Variants in PPM1L observed in about 807,000 individuals in gnomAD.
PPM1L encodes the protein protein phosphatase 1L.
A neutral mutation model predicts 31.4 loss-of-function variants in PPM1L; 13 were observed. The observed-to-expected ratio is 0.41, with a 90% CI of 0.27 to 0.66. The LOEUF is 0.66. Ranked by LOEUF, PPM1L falls within the 30% of genes least tolerant of loss-of-function variation. The pLI, the probability that PPM1L is intolerant of heterozygous loss-of-function variation, is 0.29. For synonymous variants in PPM1L, 184 were observed against 175.4 expected, an observed-to-expected ratio of 1.05 and a Z score of -0.39; for missense variants, 326 against 453.7, an observed-to-expected ratio of 0.72 and a Z score of 2.56.
intron 1 of PPM1L, among the ~76,000 whole-genome samples, chr3:160,843,791 A>G (rs1160626115): frequency 6.6e-6 from 1 of 152,018 alleles, no homozygotes; most frequent in Non-Finnish European, 1.5e-5. Flanking sequence ...GTATATACCC[A>G]AAGGATTATA....
At position 160,777,735 on chromosome 3, in the gene PPM1L, T is replaced by C. The variant is rs140331828; in HGVS notation, c.399+21028T>C. Among the ~76,000 whole-genome samples the C allele has an allele frequency of 2.7e-3, 418 of 152,336 alleles. 4 individuals carry two copies. Among genetic ancestry groups the C allele is most frequent in the Middle Eastern group, 0.01 (3 of 294 alleles). ...CAAATAATATTCCATTGTGTGTATA[T>C]ACCACATTTTGTTTATCCATTCATT... On this transcript the variant is annotated intron_variant, in intron 1 of 3. Transcript: ENST00000498165.
intron 2 of PPM1L, among the ~76,000 whole-genome samples, chr3:160,999,650 G>C (rs1559918736): frequency 6.6e-6 from 1 of 152,238 alleles, no homozygotes; most frequent in African/African-American, 2.4e-5. Flanking sequence ...CTTCAGTAAA[G>C]ACATAGCTTC....
chr3:160,985,981 C>CAAAAA (rs1553752453), intron 2 of PPM1L, among the ~76,000 whole-genome samples: 2 of 148,946 alleles, frequency 1.3e-5, no homozygotes, highest in African/African-American at 2.5e-5. Context: ...TCCACCCACC[C>CAAAAA]AAAAAAAAAA....
At chr3:160,777,539 C>T (rs1171775373) in intron 1 of PPM1L, among the ~76,000 whole-genome samples, 2 of 152,126 alleles carry the variant, frequency 1.3e-5, no homozygotes, top group Non-Finnish European at 2.9e-5. Context: ...CCTGTAGCCC[C>T]CTGATAATCA....
chr3:160,810,950 A>G (rs1365813436), intron 1 of PPM1L, among the ~76,000 whole-genome samples: 1 of 152,194 alleles, frequency 6.6e-6, no homozygotes, highest in Non-Finnish European at 1.5e-5. Context: ...ATTTCAAATA[A>G]TAGAGCCCCA....
chr3:160,894,656 A>C (rs1713274482), intron 1 of PPM1L, among the ~76,000 whole-genome samples: 2 of 152,140 alleles, frequency 1.3e-5, no homozygotes, highest in Admixed American at 1.3e-4. Flanking sequence ...ATTCCCAGAT[A>C]CTCAGTTTAT....
At chr3:160,867,622 C>G (rs977641722) in intron 1 of PPM1L, among the ~76,000 whole-genome samples, 1 of 152,038 alleles carries the variant, frequency 6.6e-6, no homozygotes, top group African/African-American at 2.4e-5. Context: ...TGCAAACAGA[C>G]AACTGTAAAC....
rs546451506 is a variant in PPM1L at position 161,071,538 on chromosome 3, C to T, written c.*2381C>T. 1 of 152,298 alleles carries T rather than the reference C, an allele frequency of 6.6e-6. No individual in the cohort carries two copies. The highest frequency in any genetic ancestry group is 1.9e-4 in the East Asian group (1 of 5,188). The allele number at this position is 152,298 out of a possible 1,614,324, so 9.4% of individuals were successfully genotyped here. A position where few individuals can be genotyped will look rare whatever the true frequency, so the allele number is the denominator to read the frequency against. On this transcript the variant is annotated 3_prime_UTR_variant, in exon 4 of 4. Transcript: ENST00000498165. ...TAAATTTTGCTTTGTACAATTAATTCATTTCTGATGTTAACCAAATAGAGT... is the reference window on the plus strand; with the variant it reads ...TAAATTTTGCTTTGTACAATTAATTTATTTCTGATGTTAACCAAATAGAGT...
chr3:160,925,121 C>G (rs1714543930), intron 1 of PPM1L, among the ~76,000 whole-genome samples: 1 of 152,140 alleles, frequency 6.6e-6, no homozygotes, highest in Non-Finnish European at 1.5e-5. Flanking sequence ...AAATCAGCTT[C>G]TAGAATTATA....
intron 1 of PPM1L, among the ~76,000 whole-genome samples, chr3:160,918,269 C>T (rs1011303287): frequency 6.6e-6 from 1 of 152,200 alleles, no homozygotes. Context: ...TCACTTAGGA[C>T]AGTTGTACCT....
intron 1 of PPM1L, among the ~76,000 whole-genome samples, chr3:160,786,496 G>A (rs529940920): frequency 6.6e-6 from 1 of 151,380 alleles, no homozygotes; most frequent in South Asian, 2.1e-4. Flanking sequence ...GGGATTACAG[G>A]TGTGAGCCAC....
At chr3:160,841,679 C>T (rs955567442) in intron 1 of PPM1L, among the ~76,000 whole-genome samples, 4 of 152,226 alleles carry the variant, frequency 2.6e-5, no homozygotes, top group Admixed American at 6.5e-5. Context: ...ACCTACTTGC[C>T]GCTATTAAAC....
intron 2 of PPM1L, among the ~76,000 whole-genome samples, chr3:161,057,867 A>G (rs1719457752): frequency 2.0e-5 from 3 of 151,892 alleles, no homozygotes; most frequent in Admixed American, 2.0e-4. Flanking sequence ...AAAATGTTTT[A>G]GAACCCAGGT....
chr3:161,002,583 A>G (rs778660), intron 2 of PPM1L, among the ~76,000 whole-genome samples: 89,558 of 144,782 alleles, frequency 0.62, 30,196 homozygotes, highest in East Asian at 0.98. Flanking sequence ...TTTCTCTGAT[A>G]GCCAGTGATG....
At chr3:160,880,161 G>C (rs1284585720) in intron 1 of PPM1L, among the ~76,000 whole-genome samples, 1 of 152,166 alleles carries the variant, frequency 6.6e-6, no homozygotes, top group Non-Finnish European at 1.5e-5. Context: ...AGTAGGAGGA[G>C]AGGAACAATA....
intron 1 of PPM1L, among the ~76,000 whole-genome samples, chr3:160,762,436 G>A (rs1293935540): frequency 3.3e-5 from 5 of 152,116 alleles, no homozygotes; most frequent in Admixed American, 2.6e-4. Flanking sequence ...GTTCAATTAA[G>A]CCAACATTTT....
chr3:161,038,762 C>T (rs1201549127), intron 2 of PPM1L, among the ~76,000 whole-genome samples: 3 of 152,082 alleles, frequency 2.0e-5, no homozygotes, highest in Non-Finnish European at 4.4e-5. Flanking sequence ...CTGTCAGAGG[C>T]ATGTGAACCA....
chr3:160,791,501 A>G (rs757544167), intron 1 of PPM1L, among the ~76,000 whole-genome samples: 4 of 152,112 alleles, frequency 2.6e-5, no homozygotes, highest in Admixed American at 2.0e-4. Context: ...CTTTAAATCT[A>G]CTTTCATTTT....
intron 1 of PPM1L, among the ~76,000 whole-genome samples, chr3:160,949,082 C>T (rs1715497658): frequency 6.6e-6 from 1 of 152,044 alleles, no homozygotes; most frequent in Non-Finnish European, 1.5e-5. Flanking sequence ...GAAGGCAATC[C>T]CCTCTTTCCA....
Sources: allele counts gnomAD v4.1 joint callset (sites outside exome capture counted in the v4.1 genomes callset), GRCh38; gene constraint gnomAD v4.1.1; transcripts MANE v1.5; gene names NCBI Gene and HGNC (gene_info 2026-07-23, HGNC 2026-07-21).